TMEFF1: variants seen among roughly 807,000 people sequenced by gnomAD.
The protein encoded by TMEFF1 is tomoregulin-1.
In TMEFF1, 20 loss-of-function variants were observed where a neutral mutation model predicts 47.5. The ratio of observed to expected loss-of-function variants is 0.42; its 90% CI spans 0.30 to 0.61. The LOEUF (loss-of-function observed/expected upper bound fraction) is 0.61. TMEFF1 is among the 20% of genes least tolerant of loss of function. The pLI, the probability that TMEFF1 is intolerant of heterozygous loss-of-function variation, is 0.19. For synonymous variants in TMEFF1, 162 were observed against 166.3 expected (o/e 0.97, Z 0.20); for missense variants, 411 against 471.1 (o/e 0.87, Z 1.18).
chr9:100,518,069 T>G (rs1270015092), intron 5 of TMEFF1, among the ~76,000 whole-genome samples: 1 of 152,182 alleles, frequency 6.6e-6, no homozygotes, highest in Non-Finnish European at 1.5e-5. Context: ...ATTTTATACA[T>G]TTTTCTATTA....
Position 100,508,960 on chromosome 9 carries a change from A to G in TMEFF1, c.307-45A>G, listed in dbSNP as rs999339735. ...TTCATGAATGTGAAATAAACTATTAATATTCATGCCTAGTTCTGAGAATTT... is the reference window on the plus strand; with the variant it reads ...TTCATGAATGTGAAATAAACTATTAGTATTCATGCCTAGTTCTGAGAATTT... On this transcript the variant is annotated intron_variant, in intron 2 of 9. Coordinates refer to ENST00000374879, the MANE Select transcript of TMEFF1 (RefSeq NM_003692.5). The G allele has an allele frequency of 4.6e-6, 7 of 1,505,434 alleles. No individual in the cohort carries two copies. The Admixed American group carries it at 9.1e-5, about 20-fold the overall frequency. The allele number at this position is 1,505,434 out of a possible 1,614,324, so 93.3% of individuals were successfully genotyped here.
Position 100,512,600 on chromosome 9 carries a change from C to T in TMEFF1, c.437-707C>T, listed in dbSNP as rs545173279. On this transcript the variant is annotated intron_variant, in intron 3 of 9. Transcript: ENST00000374879. ...ATCATTACCCTCTTTTCAACATGTTCTGTGCTAATATGTTGGTTCCTTTAG... is the reference window on the plus strand; with the variant it reads ...ATCATTACCCTCTTTTCAACATGTTTTGTGCTAATATGTTGGTTCCTTTAG... Among the ~76,000 whole-genome samples, 11 of 152,292 alleles carry T rather than the reference C, an allele frequency of 7.2e-5. No individual in the cohort carries two copies. In the South Asian group the frequency reaches 2.3e-3, roughly 32 times the overall value.
At chr9:100,556,742 C>G (rs551854195) in intron 7 of TMEFF1, among the ~76,000 whole-genome samples, 2 of 152,278 alleles carry the variant, frequency 1.3e-5, no homozygotes, top group South Asian at 4.1e-4. Flanking sequence ...ATTCACTTTC[C>G]AAAACATCTT....
chr9:100,565,043 G>A (rs181023355), intron 8 of TMEFF1, among the ~76,000 whole-genome samples: 147 of 152,120 alleles, frequency 9.7e-4, no homozygotes, highest in African/African-American at 3.4e-3. Context: ...GGTTTGAGGG[G>A]GAATGATATA....
intron 1 of TMEFF1, among the ~76,000 whole-genome samples, chr9:100,491,161 A>G (rs1337183487): frequency 1.3e-5 from 2 of 152,102 alleles, no homozygotes; most frequent in African/African-American, 4.8e-5. Context: ...GGTGTGCAAT[A>G]TTTCAAATAT....
At chr9:100,522,082 C>G (rs1249621655) in intron 5 of TMEFF1, among the ~76,000 whole-genome samples, 4 of 152,214 alleles carry the variant, frequency 2.6e-5, no homozygotes, top group Admixed American at 2.0e-4. Flanking sequence ...TATCTTTTCT[C>G]TTGTGTAAAC....
intron 4 of TMEFF1, among the ~76,000 whole-genome samples, chr9:100,514,822 C>T (rs1166554413): frequency 6.6e-6 from 1 of 152,016 alleles, no homozygotes; most frequent in East Asian, 1.9e-4. Flanking sequence ...TGGTGAAACC[C>T]CGTCTCTACT....
At chr9:100,570,651 G>GTT (rs57507834) in intron 8 of TMEFF1, among the ~76,000 whole-genome samples, 25 of 150,438 alleles carry the variant, frequency 1.7e-4, no homozygotes, top group Middle Eastern at 3.4e-3. Flanking sequence ...CCCACTGCTT[G>GTT]TTTTTTTTTG....
intron 8 of TMEFF1, among the ~76,000 whole-genome samples, chr9:100,563,799 T>G (rs1231689417): frequency 6.6e-6 from 1 of 152,214 alleles, no homozygotes; most frequent in East Asian, 1.9e-4. Context: ...GTAAATATTT[T>G]TTGAATGACC....
intron 9 of TMEFF1, among the ~76,000 whole-genome samples, chr9:100,574,098 G>A (rs966286825): frequency 6.6e-6 from 1 of 152,212 alleles, no homozygotes; most frequent in Non-Finnish European, 1.5e-5. Flanking sequence ...GTTCCATGTT[G>A]AGTCATCTTG....
Position 100,572,551 on chromosome 9 carries a change from A to G in TMEFF1, c.933A>G (p.Glu311=), listed in dbSNP as rs1442072050. 1 of 1,612,980 alleles carries G rather than the reference A, an allele frequency of 6.2e-7. No individual in the cohort carries two copies. Residue 311 remains glutamate, a synonymous_variant, in exon 9 of 10, where the codon GAA becomes GAG. Coordinates refer to ENST00000374879, the MANE Select transcript of TMEFF1 (RefSeq NM_003692.5). ...CESGYTGQHC[E]KTDFSILYVV... is the part of the protein sequence containing the mutation. ...CTGGCTACACTGGACAGCACTGTGA[A>G]AAGACAGACTTTAGTATTCTCTATG...
intron 5 of TMEFF1, among the ~76,000 whole-genome samples, chr9:100,536,307 T>C (rs1313280971): frequency 2.6e-5 from 4 of 152,324 alleles, no homozygotes; most frequent in African/African-American, 7.2e-5. Context: ...ATGCAGACCT[T>C]GCCTCATATT....
chr9:100,552,931 A>G (rs148999809), intron 7 of TMEFF1, among the ~76,000 whole-genome samples: 8 of 152,232 alleles, frequency 5.3e-5, no homozygotes, highest in Middle Eastern at 3.4e-3. Context: ...AGTGACTACC[A>G]TATGGGACAG....
intron 4 of TMEFF1, among the ~76,000 whole-genome samples, chr9:100,516,424 C>G (rs553424061): frequency 6.6e-6 from 1 of 152,172 alleles, no homozygotes; most frequent in Non-Finnish European, 1.5e-5. Context: ...ATCAAACCTA[C>G]TGTGTAGTTC....
chr9:100,475,231 AGCCTTTG>A (rs1293458936), intron 1 of TMEFF1, among the ~76,000 whole-genome samples: 8 of 152,210 alleles, frequency 5.3e-5, no homozygotes, highest in African/African-American at 1.9e-4. Flanking sequence ...AAATGAAGCA[AGCCTTTG>A]GCCCGCTATT....
intron 9 of TMEFF1, 57 bp from the exon 10 acceptor site, chr9:100,576,459 T>C: frequency 3.8e-6 from 6 of 1,592,554 alleles, no homozygotes; most frequent in Admixed American, 1.8e-5. Context: ...ATTTGAAATA[T>C]CCTGAACAAA....
intron 8 of TMEFF1, among the ~76,000 whole-genome samples, chr9:100,562,297 A>C (rs1407746071): frequency 6.6e-6 from 1 of 152,062 alleles, no homozygotes; most frequent in Non-Finnish European, 1.5e-5. Flanking sequence ...GAGAAATACT[A>C]TACTTTTCTT....
At chr9:100,483,528 C>CA (rs778850830) in intron 1 of TMEFF1, among the ~76,000 whole-genome samples, 11 of 151,284 alleles carry the variant, frequency 7.3e-5, no homozygotes, top group Middle Eastern at 3.4e-3. Flanking sequence ...AACAAACAAA[C>CA]AAGGTGTGTC....
At chr9:100,557,771 G>A (rs1394050985) in intron 7 of TMEFF1, among the ~76,000 whole-genome samples, 2 of 150,854 alleles carry the variant, frequency 1.3e-5, no homozygotes, top group Admixed American at 6.6e-5. Flanking sequence ...AGCTTTTCAT[G>A]TGTATATGCT....
Sources: allele counts gnomAD v4.1 joint callset (sites outside exome capture counted in the v4.1 genomes callset), GRCh38; gene constraint gnomAD v4.1.1; transcripts MANE v1.5; gene names NCBI Gene and HGNC (gene_info 2026-07-23, HGNC 2026-07-21).